The following GPI variants were observed in gnomAD, a reference collection of about 807,000 sequenced individuals.
GPI encodes D-hexose-6-phosphate anomerase.
Under a neutral mutation model 75.8 loss-of-function variants are expected in GPI, and 56 were observed. That is an observed-to-expected ratio of 0.74 (90% CI 0.60 to 0.92). The LOEUF (loss-of-function observed/expected upper bound fraction) is 0.92. Among genes scored for constraint, GPI ranks in the 40% least tolerant of loss-of-function variants. The pLI, the probability that GPI is intolerant of heterozygous loss-of-function variation, is 0.00. For missense variants in GPI, 638 were observed against 741.0 expected (o/e 0.86, Z 1.61); for synonymous variants, 288 against 285.4 (o/e 1.01, Z -0.09).
rs911814446 is a variant in GPI, at chr19:34,368,625, A to G, written c.325A>G (p.Thr109Ala). 4 of 1,614,076 alleles carry G rather than the reference A, an allele frequency of 2.5e-6. No individual in the cohort carries two copies. The highest frequency in any genetic ancestry group is 3.4e-6 in the Non-Finnish European group (4 of 1,179,958). Residue 109 changes from threonine (T) to alanine (A), a missense_variant, in exon 4 of 18, where the codon ACA becomes GCA. By Grantham distance (58) the Thr-to-Ala change is moderately conservative. Transcript: ENST00000356487. ...LHVALRNRSN[T>A]PILVDGKDVM... ...CGTGGCTCTGCGGAACCGGTCAAACACACCCATCCTGGTAGACGGCAAGGA... is the reference window on the plus strand; with the variant it reads ...CGTGGCTCTGCGGAACCGGTCAAACGCACCCATCCTGGTAGACGGCAAGGA...
In GPI at chr19:34,379,574, C is replaced by T. The variant is rs756548856; in HGVS notation, c.750+12C>T. 1.5e-5 allele frequency: 24 copies of T among 1,610,158 alleles called. No individual in the cohort carries two copies. The highest frequency in any genetic ancestry group is 3.3e-5 in the South Asian group (3 of 91,018). On this transcript the variant is annotated intron_variant, in intron 8 of 17. Transcript: ENST00000356487. The stretch of plus-strand genomic sequence containing the variant: ...TGTCTACTAACACAGTAAGTGCCCC[C>T]GTGGTCCCCTGTACTGCCTTCCTGG...
At position 34,399,072 on chromosome 19, in the gene GPI, C is replaced by T. The variant is rs186182763; in HGVS notation, c.1270-135C>T. ...CCTTGTGGTGTCATCGGATGTGTCC[C>T]CCTCGCTCCAACTGAGCTGTACAGC... On this transcript the variant is annotated intron_variant, in intron 14 of 17. Transcript: ENST00000356487. 5.9e-4 allele frequency: 416 copies of T among 701,746 alleles called. 1 individual carries two copies. The highest frequency in any genetic ancestry group is 1.8e-3 in the Admixed American group (67 of 37,226). 43.5% of individuals were successfully genotyped at this position (701,746 alleles called of 1,614,324 possible).
In GPI at chr19:34,393,683, A is replaced by AC. The variant is rs1303755794; in HGVS notation, c.866-44dup. Reference sequence around the variant, plus strand: ...AGGAGCTGTGCCCACTGCCCACAGGACGCAGGGTGTGGCCACTTCTGTTGA... The same window carrying AC: ...AGGAGCTGTGCCCACTGCCCACAGGACCGCAGGGTGTGGCCACTTCTGTTGA... On this transcript the variant is annotated intron_variant, in intron 10 of 17. Transcript: ENST00000356487. This position sits in a 1 kb window ranked among gnomAD's most constrained non-coding sequence, Gnocchi z 4.4. 1 of 1,595,664 alleles carries AC rather than the reference A, an allele frequency of 6.3e-7. No homozygotes were observed. The highest frequency in any genetic ancestry group is 8.6e-7 in the Non-Finnish European group (1 of 1,163,790).
intron 4 of GPI, among the ~76,000 whole-genome samples, chr19:34,373,115 T>C (rs940752558): frequency 1.3e-5 from 2 of 151,588 alleles, no homozygotes; most frequent in Non-Finnish European, 2.9e-5. Flanking sequence ...GTCTGGGTGC[T>C]GTGGCTCACA....
intron 4 of GPI, among the ~76,000 whole-genome samples, chr19:34,372,156 C>G (rs1599813303): frequency 1.3e-5 from 2 of 152,000 alleles, no homozygotes; most frequent in Admixed American, 1.3e-4. Context: ...GTCTCGAACT[C>G]CTGACCTCAG....
At chr19:34,399,521 A>G (rs1482739163) in intron 15 of GPI, 35 bp from the exon 16 acceptor site, 1 of 1,605,284 alleles carries the variant, frequency 6.2e-7, no homozygotes, top group East Asian at 2.2e-5. Context: ...AGGGATCAGG[A>G]CTCTCTTGGA....
intron 2 of GPI, 61 bp downstream of exon 2, chr19:34,366,496 C>T (rs943084936): frequency 8.0e-6 from 9 of 1,120,970 alleles, no homozygotes; most frequent in Non-Finnish European, 1.2e-5. Flanking sequence ...GAGCTGGGCT[C>T]CTGGGAGTCC....
intron 13 of GPI, 43 bp downstream of exon 13, chr19:34,396,473 A>C: frequency 6.2e-7 from 1 of 1,613,588 alleles, no homozygotes; most frequent in Non-Finnish European, 8.5e-7. Context: ...GGGGGAGGGA[A>C]AGGATCTTCC....
chr19:34,381,341 C>T (rs2074647890), intron 8 of GPI, 125 bp from the exon 9 acceptor site: 1 of 775,518 alleles, frequency 1.3e-6, no homozygotes, highest in Non-Finnish European at 2.4e-6. Context: ...CCTGCCCCAT[C>T]CCTGGCTCTG....
rs1410594584 is a variant in GPI at position 34,366,525 on chromosome 19, T to G, written c.213+90T>G. On this transcript the variant is annotated intron_variant, in intron 2 of 17. Transcript: ENST00000356487. ...GGAGTCCCCAGGACCTTGAGTATCT[T>G]GAGTTCTTCCTCTCATTAGACCTCA... The G allele has an allele frequency of 5.6e-6, 5 of 890,766 alleles. No individual in the cohort carries two copies. The Admixed American group carries it at 8.5e-5, about 15-fold the overall frequency. 55.2% of individuals were successfully genotyped at this position (890,766 alleles called of 1,614,324 possible).
chr19:34,379,505 C>G lies in GPI; in HGVS notation c.706-13C>G. 6.2e-7 allele frequency: 1 copy of G among 1,613,824 alleles called. No individual in the cohort carries two copies. Among genetic ancestry groups the G allele is most frequent in the South Asian group, 1.1e-5 (1 of 91,080 alleles). ...CTGGGCTGGCTGTGGTAACTTGGCT[C>G]TGTCTCTTGTAGCCTTCTGCAGTGG... On this transcript the variant is annotated splice_polypyrimidine_tract_variant and intron_variant, in intron 7 of 17. Coordinates refer to ENST00000356487, the MANE Select transcript of GPI (RefSeq NM_000175.5).
intron 3 of GPI, chr19:34,367,270 C>G (rs996626320): frequency 4.1e-5 from 14 of 340,086 alleles, no homozygotes; most frequent in Admixed American, 3.9e-4. Flanking sequence ...GGCCCCTGTT[C>G]CTGACTCAGT....
chr19:34,363,194 T>C (rs1322954714), upstream of GPI: 1 of 152,216 alleles, frequency 6.6e-6, no homozygotes, highest in Non-Finnish European at 1.5e-5. Context: ...TAGTCCTGGC[T>C]ACTCAGAAGG....
At chr19:34,367,922 A>G (rs2074390701) in intron 3 of GPI, among the ~76,000 whole-genome samples, 1 of 152,078 alleles carries the variant, frequency 6.6e-6, no homozygotes, top group Non-Finnish European at 1.5e-5. Context: ...GAAAGCGTTT[A>G]TTTATTTATT....
At chr19:34,391,907 T>C (rs1282565019) in intron 9 of GPI, among the ~76,000 whole-genome samples, 6 of 698 alleles carry the variant, frequency 8.6e-3, no homozygotes, top group Non-Finnish European at 0.014. Flanking sequence ...CAGTATCTGG[T>C]ACAGGTATGA....
chr19:34,365,379 A>G lies in GPI; in HGVS notation c.113A>G (p.Asn38Ser). The G allele has an allele frequency of 6.3e-7, 1 of 1,586,014 alleles. No homozygotes were observed. The highest frequency in any genetic ancestry group is 8.6e-7 in the Non-Finnish European group (1 of 1,168,974). ...RLFDANKDRF[N>S]HFSLTLNTNH... ...TTCGATGCCAACAAGGACCGCTTCA[A>G]CCACTTCAGGTGCGGGCGGGCCGGA... The change falls in exon 1 of 18, where the codon AAC (asparagine) becomes AGC (serine). Residue 38 changes from asparagine to serine, a missense_variant. Transcript: ENST00000356487.
At chr19:34,389,373 C>G (rs1045508544) in intron 9 of GPI, among the ~76,000 whole-genome samples, 4 of 152,176 alleles carry the variant, frequency 2.6e-5, no homozygotes, top group Non-Finnish European at 5.9e-5. Flanking sequence ...GCAGACTGTT[C>G]TCAGTCCTCC....
In GPI at chr19:34,393,951, C is replaced by G. The variant is rs2074906533; in HGVS notation, c.947C>G (p.Ala316Gly). 1 of 1,613,600 alleles carries G rather than the reference C, an allele frequency of 6.2e-7. No individual in the cohort carries two copies. Among genetic ancestry groups the G allele is most frequent in the African/African-American group, 1.3e-5 (1 of 74,906 alleles). The change falls in exon 12 of 18, where the codon GCC becomes GGC. Residue 316 changes from alanine (A) to glycine (G), a missense_variant. Transcript: ENST00000356487. The surrounding 1 kb of genome is among the most constrained non-coding windows in gnomAD (Gnocchi z 4.4). ...CGCACGACGCCCCTGGAGAAGAACG[C>G]CCCCGTCTTGCTGGCCCTGCTGGGT... ...HFRTTPLEKNAPVLLALLGIW... is the reference protein window; with the variant it reads ...HFRTTPLEKNGPVLLALLGIW...
intron 4 of GPI, 149 bp downstream of exon 4, chr19:34,368,851 C>T (rs8191369): frequency 0.041 from 35,389 of 860,856 alleles, 1,291 homozygotes; most frequent in Admixed American, 0.14. Flanking sequence ...TGTGTGATCG[C>T]TGACCCTGGA....
Sources: allele counts gnomAD v4.1 joint callset (sites outside exome capture counted in the v4.1 genomes callset), GRCh38; gene constraint gnomAD v4.1.1; non-coding constraint Gnocchi (gnomAD v3.1); transcripts MANE v1.5; gene names NCBI Gene and HGNC (gene_info 2026-07-23, HGNC 2026-07-21).